FAM228B: variants seen among roughly 807,000 people sequenced by gnomAD.
FAM228B encodes the protein protein FAM228B.
A neutral mutation model predicts 42.6 loss-of-function variants in FAM228B; 38 were observed. The observed-to-expected ratio is 0.89, with a 90% confidence interval of 0.69 to 1.17. The LOEUF (loss-of-function observed/expected upper bound fraction) is 1.17, where lower values mean the gene tolerates loss of function less well. Among genes scored for constraint, FAM228B ranks in the 50% most tolerant of loss-of-function variants. The pLI is 0.00. For synonymous variants in FAM228B, 109 were observed against 122.3 expected (o/e 0.89, Z 0.72); for missense variants, 344 against 367.3 (o/e 0.94, Z 0.52).
At chr2:24,102,477 C>T (rs1166563599) in intron 3 of FAM228B, among the ~76,000 whole-genome samples, 1 of 152,222 alleles carries the variant, frequency 6.6e-6, no homozygotes, top group Admixed American at 6.5e-5. Flanking sequence ...GTGGCTCACG[C>T]CTGTAATTCC....
At chr2:24,087,961 G>T (rs888533355) in intron 2 of FAM228B, among the ~76,000 whole-genome samples, 1 of 151,724 alleles carries the variant, frequency 6.6e-6, no homozygotes, top group Non-Finnish European at 1.5e-5. Context: ...CAGGCTGGTC[G>T]CAAACTCCTG....
At chr2:24,131,980 T>C (rs1666465619) in intron 2 of FAM228B, among the ~76,000 whole-genome samples, 1 of 152,190 alleles carries the variant, frequency 6.6e-6, no homozygotes, top group South Asian at 2.1e-4. Flanking sequence ...CATAAATGGC[T>C]CTTATTATTT....
chr2:24,133,894 A>G (rs1271377176), intron 2 of FAM228B, among the ~76,000 whole-genome samples: 1 of 152,214 alleles, frequency 6.6e-6, no homozygotes, highest in Non-Finnish European at 1.5e-5. Context: ...CCTAAGTGAC[A>G]GAGCAAGACT....
intron 2 of FAM228B, chr2:24,083,088 T>A: frequency 6.2e-7 from 1 of 1,614,132 alleles, no homozygotes; most frequent in Non-Finnish European, 8.5e-7. Context: ...CTCTGCCACA[T>A]GTCCAGATGC....
chr2:24,123,479 T>TGGAACCCGCGGC lies in FAM228B; in HGVS notation c.-85_-74dup, dbSNP rs1228151459. 7 of 152,152 alleles carry TGGAACCCGCGGC rather than the reference T, an allele frequency of 4.6e-5. No homozygotes were observed. The South Asian group carries it at 1.4e-3, about 31-fold the overall frequency. The allele number at this position is 152,152 out of a possible 1,614,324, so 9.4% of individuals were successfully genotyped here. A position where few individuals can be genotyped will look rare whatever the true frequency, so the allele number is the denominator to read the frequency against. ...CGGCACCGCCCGCGCGGACTCGCTG[T>TGGAACCCGCGGC]GGAACCCGCGGCGCAGGGGGCGGAG... On this transcript the variant is annotated 5_prime_UTR_variant, in exon 1 of 11. Transcript: ENST00000615575.
chr2:24,139,381 T>C lies in FAM228B; in HGVS notation c.372T>C (p.Phe124=), dbSNP rs544159914. ...TTTCCTTGCTATAGGGAAATGCATT[T>C]ATAGAACATTATGATCCAAAAGAGT... is the stretch of plus-strand genomic sequence containing the variant. ...LKHVNKKGNA[F]IEHYDPKEYD... Residue 124 remains phenylalanine (F), a synonymous_variant, in exon 5 of 11, where the codon TTT becomes TTC. Transcript: ENST00000615575. The C allele has an allele frequency of 2.4e-4, 367 of 1,541,060 alleles. 4 individuals carry two copies. The East Asian group carries it at 8.8e-3, about 37-fold the overall frequency.
chr2:24,135,402 G>A (rs1444785439), intron 3 of FAM228B, among the ~76,000 whole-genome samples: 1 of 152,152 alleles, frequency 6.6e-6, no homozygotes, highest in Non-Finnish European at 1.5e-5. Context: ...TTGCAGAGAG[G>A]CACAGAAATT....
intron 2 of FAM228B, among the ~76,000 whole-genome samples, chr2:24,129,494 TCA>T (rs2151015065): frequency 6.6e-6 from 1 of 152,246 alleles, no homozygotes; most frequent in East Asian, 1.9e-4. Context: ...GTCTCATAGG[TCA>T]CTATGACTCT....
intron 3 of FAM228B, chr2:24,115,656 A>T: frequency 1.3e-6 from 2 of 1,578,788 alleles, no homozygotes; most frequent in South Asian, 2.2e-5. Flanking sequence ...GCTGCAAATT[A>T]TCACTACAAA....
intron 7 of FAM228B, among the ~76,000 whole-genome samples, chr2:24,158,132 G>T (rs1667196401): frequency 7.0e-6 from 1 of 141,916 alleles, no homozygotes; most frequent in African/African-American, 2.6e-5. Context: ...ACAATACCAG[G>T]TCTTCCACAA....
intron 7 of FAM228B, among the ~76,000 whole-genome samples, chr2:24,149,778 T>C (rs1331265930): frequency 6.6e-6 from 1 of 152,240 alleles, no homozygotes; most frequent in African/African-American, 2.4e-5. Context: ...AAAAATCTAA[T>C]GCCATAGTAT....
chr2:24,127,456 C>T (rs1666343463), intron 2 of FAM228B, among the ~76,000 whole-genome samples: 1 of 152,082 alleles, frequency 6.6e-6, no homozygotes, highest in Non-Finnish European at 1.5e-5. Context: ...GGTATGTAAC[C>T]TAGGAGTGGA....
intron 3 of FAM228B, among the ~76,000 whole-genome samples, chr2:24,106,316 CTT>C (rs386389714): frequency 2.4e-4 from 26 of 106,390 alleles, no homozygotes; most frequent in Admixed American, 4.1e-4. Flanking sequence ...ATTCAGCATT[CTT>C]TTTTTTTTTT....
intron 7 of FAM228B, among the ~76,000 whole-genome samples, chr2:24,147,916 CTTTTTT>C (rs34823316): frequency 8.4e-6 from 1 of 119,198 alleles, no homozygotes; most frequent in Non-Finnish European, 1.8e-5. Flanking sequence ...TTTGCCTTGC[CTTTTTT>C]TTTTTTTTTT....
intron 3 of FAM228B, among the ~76,000 whole-genome samples, chr2:24,113,720 T>TA (rs1665838597): frequency 6.6e-6 from 1 of 152,008 alleles, no homozygotes; most frequent in Non-Finnish European, 1.5e-5. Context: ...CTACTAAAAA[T>TA]ACAAAAATTA....
intron 2 of FAM228B, among the ~76,000 whole-genome samples, chr2:24,094,792 CT>C (rs368011048): frequency 1.0e-3 from 158 of 152,314 alleles, no homozygotes; most frequent in African/African-American, 3.5e-3. Context: ...CTACATCAGG[CT>C]TTTAAATATA....
chr2:24,079,745 C>T lies in FAM228B; in HGVS notation c.-289-1131C>T. 2.7e-6 allele frequency: 3 copies of T among 1,118,730 alleles called. No homozygotes were observed. The South Asian group carries it at 4.5e-5, about 17-fold the overall frequency. The allele number at this position is 1,118,730 out of a possible 1,614,324, so 69.3% of individuals were successfully genotyped here. On this transcript the variant is annotated intron_variant, in intron 1 of 10. Coordinates refer to the FAM228B transcript ENST00000613899. Reference sequence around the variant, plus strand: ...ATAAATACAGATGCAAGTGGTAAATCTATAGGTTGGAATTAGAAACACTGC... The same window carrying T: ...ATAAATACAGATGCAAGTGGTAAATTTATAGGTTGGAATTAGAAACACTGC...
At chr2:24,144,902 C>A (rs1163945112) in intron 5 of FAM228B, among the ~76,000 whole-genome samples, 1 of 152,180 alleles carries the variant, frequency 6.6e-6, no homozygotes, top group Non-Finnish European at 1.5e-5. Flanking sequence ...CCATCCACCA[C>A]CATTGGCGAG....
chr2:24,119,537 A>G (rs760543030), upstream of FAM228B: 7 of 1,466,996 alleles, frequency 4.8e-6, no homozygotes. Context: ...AGACCCAACT[A>G]ACATAGGGAA....
Sources: gnomAD v4.1 joint callset for allele counts (sites outside exome capture counted in the v4.1 genomes callset) on GRCh38, gnomAD v4.1.1 for gene constraint, MANE v1.5 for transcripts, NCBI Gene and HGNC (gene_info 2026-07-23, HGNC 2026-07-21) for gene names.